The following ACOX3 variants were observed in gnomAD, a reference collection of about 807,000 sequenced individuals.
The protein encoded by ACOX3 is acyl-CoA oxidase 3, pristanoyl, also known as peroxisomal acyl-coenzyme A oxidase 3.
Under a neutral mutation model 81.5 loss-of-function variants are expected in ACOX3, and 73 were observed. The ratio of observed to expected loss-of-function variants is 0.90; its 90% CI spans 0.74 to 1.09. The LOEUF (loss-of-function observed/expected upper bound fraction) is 1.09. ACOX3 is among the 50% of genes least tolerant of loss of function. The pLI, the probability that ACOX3 is intolerant of heterozygous loss-of-function variation, is 0.00. For missense variants in ACOX3, 947 were observed against 928.0 expected (o/e 1.02, Z -0.27); for synonymous variants, 387 against 375.1 (o/e 1.03, Z -0.37).
intron 1 of ACOX3, among the ~76,000 whole-genome samples, chr4:8,422,455 T>C (rs1475659005): frequency 6.6e-6 from 1 of 152,096 alleles, no homozygotes; most frequent in Non-Finnish European, 1.5e-5. Context: ...GAGCAAAACA[T>C]AGAAACTCTA....
At chr4:8,440,117 GC>G (rs1476443401) in intron 1 of ACOX3, among the ~76,000 whole-genome samples, 3 of 152,210 alleles carry the variant, frequency 2.0e-5, no homozygotes, top group African/African-American at 7.2e-5. Flanking sequence ...GATTCATGTA[GC>G]CCCCAGTCAC....
In ACOX3 at chr4:8,386,580, A is replaced by G. The variant is rs1718332274; in HGVS notation, c.1537+2593T>C. Among the ~76,000 whole-genome samples, 1 of 151,944 alleles carries G rather than the reference A, an allele frequency of 6.6e-6. No homozygotes were observed. Among genetic ancestry groups the G allele is most frequent in the Admixed American group, 6.6e-5 (1 of 15,254 alleles). On this transcript the variant is annotated intron_variant, in intron 13 of 17. Coordinates refer to ENST00000356406, the MANE Select transcript of ACOX3 (RefSeq NM_003501.3). The surrounding 1 kb of genome is among the most constrained non-coding windows in gnomAD (Gnocchi z 5.2). ...GACTCCGTCTCAAAAAAAAAAAAAAAAAGAAAGTGACTTGCAAACATCAGA... is the reference window on the plus strand; with the variant it reads ...GACTCCGTCTCAAAAAAAAAAAAAAGAAGAAAGTGACTTGCAAACATCAGA...
intron 3 of ACOX3, among the ~76,000 whole-genome samples, chr4:8,415,166 C>T (rs1722181567): frequency 6.6e-6 from 1 of 152,164 alleles, no homozygotes; most frequent in Non-Finnish European, 1.5e-5. Context: ...AGTGGTAAGA[C>T]CTACATCTCT....
intron 1 of ACOX3, among the ~76,000 whole-genome samples, chr4:8,429,566 G>A (rs1287961611): frequency 1.3e-5 from 2 of 152,226 alleles, no homozygotes; most frequent in African/African-American, 2.4e-5. Context: ...CTGGGAGTCA[G>A]CTTGCACAAG....
intron 1 of ACOX3, among the ~76,000 whole-genome samples, chr4:8,434,032 G>A (rs893972928): frequency 1.4e-5 from 2 of 147,178 alleles, no homozygotes; most frequent in African/African-American, 2.5e-5. Context: ...GCACCACCAC[G>A]TGGCCCTAGG....
rs201816216 is a variant in ACOX3, at chr4:8,389,612, C to T, written c.1423G>A (p.Asp475Asn). The change falls in exon 12 of 18, where the codon GAT (aspartate) becomes AAT (asparagine). Residue 475 changes from aspartate to asparagine, a missense_variant and splice_region_variant. Transcript: ENST00000356406. The surrounding 1 kb of genome is among the most constrained non-coding windows in gnomAD (Gnocchi z 5.3). ...LLGLLAHQVH[D>N]GACFRSPLKS... ...CCACCAGTGTGCAGCAGAGCCTCAC[C>T]GTGGACCTGGTGTGCCAGGAGACCC... 7.7e-5 allele frequency: 125 copies of T among 1,613,672 alleles called. 1 individual carries two copies. The highest frequency in any genetic ancestry group is 3.3e-4 in the Middle Eastern group (2 of 5,988).
intron 11 of ACOX3, among the ~76,000 whole-genome samples, chr4:8,390,342 CA>C (rs138926683): frequency 0.079 from 10,544 of 133,600 alleles, 683 homozygotes; most frequent in African/African-American, 0.19. Flanking sequence ...AGACTCTGAC[CA>C]AAAAAAAAAA....
the ACOX3 span, chr4:8,355,836 A>T: frequency 6.5e-6 from 1 of 153,536 alleles, no homozygotes; most frequent in Admixed American, 6.4e-5. Flanking sequence ...AGCCAACAAA[A>T]TATTTTCAAA....
At chr4:8,390,084 C>G (rs1281696354) in intron 11 of ACOX3, among the ~76,000 whole-genome samples, 1 of 134,504 alleles carries the variant, frequency 7.4e-6, no homozygotes, top group Non-Finnish European at 1.5e-5. Context: ...GCCCGGGTGA[C>G]AGAGCAAGAC....
At position 8,368,940 on chromosome 4, in the gene ACOX3, A is replaced by T. The variant is rs3775904; in HGVS notation, c.1984-1860T>A. ...AGGGATCCGCCCGCCTCAGCCTTCC[A>T]AAGTGCTAGGATAACAGGTGTGAGC... On this transcript the variant is annotated intron_variant, in intron 17 of 17. Coordinates refer to ENST00000356406, the MANE Select transcript of ACOX3 (RefSeq NM_003501.3). The surrounding 1 kb of genome is among the most constrained non-coding windows in gnomAD (Gnocchi z 5.9). Among the ~76,000 whole-genome samples the T allele has an allele frequency of 0.075, 11,398 of 152,156 alleles. 499 individuals carry two copies. The highest frequency in any genetic ancestry group is 0.11 in the Middle Eastern group (32 of 294).
intron 5 of ACOX3, among the ~76,000 whole-genome samples, chr4:8,411,161 G>C (rs1267888418): frequency 6.6e-6 from 1 of 152,218 alleles, no homozygotes; most frequent in Non-Finnish European, 1.5e-5. Context: ...GGACAAAGAT[G>C]AGCGCCTTCA....
intron 6 of ACOX3, among the ~76,000 whole-genome samples, chr4:8,409,889 C>T (rs574987335): frequency 1.1e-4 from 15 of 139,134 alleles, no homozygotes; most frequent in Middle Eastern, 5.4e-3. Context: ...ACACTGTGGG[C>T]GGGGCTGTAG....
chr4:8,403,610 T>C (rs1468816712), intron 7 of ACOX3, among the ~76,000 whole-genome samples: 1 of 152,204 alleles, frequency 6.6e-6, no homozygotes, highest in Non-Finnish European at 1.5e-5. Context: ...GCGGTCGTTA[T>C]TGTGTTAGTG....
At chr4:8,373,373 C>CTAAGGGGGTGCGTGTCGGTCTGGG (rs552747723) in intron 16 of ACOX3, among the ~76,000 whole-genome samples, 188 bp downstream of exon 16, 12 of 150,384 alleles carry the variant, frequency 8.0e-5, no homozygotes, top group East Asian at 1.9e-4. Context: ...CTGGGTGATG[C>CTAAGGGGGTGCGTGTCGGTCTGGG]TAAGGGGGTG....
At chr4:8,371,149 G>A (rs781126645) in intron 16 of ACOX3, among the ~76,000 whole-genome samples, 155 bp from the exon 17 acceptor site, 18 of 152,128 alleles carry the variant, frequency 1.2e-4, no homozygotes, top group African/African-American at 2.2e-4. Context: ...TCTCTTCACC[G>A]GCCTGGATTC....
At chr4:8,411,294 C>T (rs1048849660) in intron 5 of ACOX3, among the ~76,000 whole-genome samples, 2 of 152,236 alleles carry the variant, frequency 1.3e-5, no homozygotes, top group Admixed American at 1.3e-4. Context: ...GTTCTGGTTC[C>T]AGCCCCTGCA....
At chr4:8,390,875 C>G (rs1238156390) in intron 11 of ACOX3, among the ~76,000 whole-genome samples, 1 of 152,172 alleles carries the variant, frequency 6.6e-6, no homozygotes, top group Non-Finnish European at 1.5e-5. Context: ...AATCATGCCA[C>G]GAGCTTCCTG....
At chr4:8,439,478 G>T (rs1342708415) in intron 1 of ACOX3, among the ~76,000 whole-genome samples, 2 of 152,180 alleles carry the variant, frequency 1.3e-5, no homozygotes, top group African/African-American at 2.4e-5. Context: ...AGAAGCAAAA[G>T]ATTTAATGCC....
chr4:8,390,998 C>CATATGTATATGTATGTGT (rs1455842123), intron 11 of ACOX3, among the ~76,000 whole-genome samples: 1 of 131,910 alleles, frequency 7.6e-6, no homozygotes, highest in African/African-American at 2.7e-5. Context: ...TCAATCCCAG[C>CATATGTATATGTATGTGT]ATATGTATAT....
Sources: gnomAD v4.1 joint callset for allele counts (sites outside exome capture counted in the v4.1 genomes callset) on GRCh38, gnomAD v4.1.1 for gene constraint, Gnocchi (gnomAD v3.1) non-coding constraint, MANE v1.5 for transcripts, NCBI Gene and HGNC (gene_info 2026-07-23, HGNC 2026-07-21) for gene names.